The following CCDC50 variants were observed in gnomAD, a reference collection of about 807,000 sequenced individuals.
The protein encoded by CCDC50 is coiled-coil domain containing 50.
Under a neutral mutation model 70.2 loss-of-function variants are expected in CCDC50, and 54 were observed. That is an observed-to-expected ratio of 0.77 (90% CI 0.62 to 0.96). The LOEUF (loss-of-function observed/expected upper bound fraction) is 0.96, where lower values mean the gene tolerates loss of function less well. Ranked by LOEUF, CCDC50 falls within the 50% of genes least tolerant of loss-of-function variation. CCDC50 has a pLI of 0.00. For synonymous variants in CCDC50, 216 were observed against 198.8 expected (o/e 1.09, Z -0.73); for missense variants, 558 against 578.7 (o/e 0.96, Z 0.37).
intron 6 of CCDC50, among the ~76,000 whole-genome samples, chr3:191,378,859 A>G (rs1335870281): frequency 6.6e-6 from 1 of 151,964 alleles, no homozygotes; most frequent in Non-Finnish European, 1.5e-5. Context: ...ATCAGGTTCT[A>G]TTAGGTCTGA....
chr3:191,381,534 G>A (rs1478220518), intron 9 of CCDC50, among the ~76,000 whole-genome samples: 1 of 152,140 alleles, frequency 6.6e-6, no homozygotes, highest in African/African-American at 2.4e-5. Context: ...GTAATTGTGA[G>A]TTCCAGCTTA....
At chr3:191,346,860 GATA>G (rs1711944870) in intron 1 of CCDC50, among the ~76,000 whole-genome samples, 1 of 152,172 alleles carries the variant, frequency 6.6e-6, no homozygotes, top group Admixed American at 6.6e-5. Flanking sequence ...AACCCTTTTT[GATA>G]GTGTATCTAT....
At chr3:191,389,703 A>G in intron 11 of CCDC50, 101 bp downstream of exon 11, 1 of 890,524 alleles carries the variant, frequency 1.1e-6, no homozygotes. Flanking sequence ...AGAGTGGAAA[A>G]ATAAGTTATT....
At chr3:191,344,367 A>T (rs1216667541) in intron 1 of CCDC50, among the ~76,000 whole-genome samples, 1 of 152,226 alleles carries the variant, frequency 6.6e-6, no homozygotes, top group Non-Finnish European at 1.5e-5. Flanking sequence ...CCAGCCCCAT[A>T]TGGCTATTTA....
chr3:191,395,228 A>G lies in CCDC50; in HGVS notation c.*3468A>G, dbSNP rs539025149. The G allele has an allele frequency of 1.3e-5, 2 of 152,172 alleles. No homozygotes were observed. The highest frequency in any genetic ancestry group is 2.4e-5 in the African/African-American group (1 of 41,456). 9.4% of individuals were successfully genotyped at this position (152,172 alleles called of 1,614,324 possible). A position where few individuals can be genotyped will look rare whatever the true frequency, so the allele number is the denominator to read the frequency against. On this transcript the variant is annotated 3_prime_UTR_variant, in exon 12 of 12. Transcript: ENST00000392455. Reference sequence around the variant, plus strand: ...CTAATGTGTCCTGAAGCTGAGCTAGATGATGAGTAAATTCTTTGCTGACTG... The same window carrying G: ...CTAATGTGTCCTGAAGCTGAGCTAGGTGATGAGTAAATTCTTTGCTGACTG...
chr3:191,355,544 G>A (rs558525209), intron 1 of CCDC50, among the ~76,000 whole-genome samples: 1 of 152,288 alleles, frequency 6.6e-6, no homozygotes, highest in Non-Finnish European at 1.5e-5. Context: ...TGACCCCCAA[G>A]CCCTGTCACC....
chr3:191,338,232 T>G (rs75023313), intron 1 of CCDC50, among the ~76,000 whole-genome samples: 5,196 of 152,348 alleles, frequency 0.034, 154 homozygotes, highest in Admixed American at 0.092. Context: ...AGTATTATAT[T>G]CACTAATTTT....
intron 4 of CCDC50, among the ~76,000 whole-genome samples, chr3:191,366,476 G>C (rs948529804): frequency 2.0e-5 from 3 of 151,928 alleles, no homozygotes; most frequent in African/African-American, 7.3e-5. Context: ...TGTGGAACAG[G>C]TTTGTTTTTA....
At chr3:191,388,628 A>G (rs1713579970) in intron 10 of CCDC50, among the ~76,000 whole-genome samples, 1 of 152,190 alleles carries the variant, frequency 6.6e-6, no homozygotes, top group Non-Finnish European at 1.5e-5. Context: ...ACTTGCTTTT[A>G]TTTTTACATG....
intron 3 of CCDC50, among the ~76,000 whole-genome samples, chr3:191,359,156 GTAAATTTCAGGCC>G (rs1712397950): frequency 6.6e-6 from 1 of 152,176 alleles, no homozygotes; most frequent in African/African-American, 2.4e-5. Context: ...GAATTGAAAT[GTAAATTTCAGGCC>G]TATTTAGAGA....
At chr3:191,356,977 C>T (rs1712306411) in intron 1 of CCDC50, 111 bp from the exon 2 acceptor site, 1 of 746,322 alleles carries the variant, frequency 1.3e-6, no homozygotes, top group African/African-American at 1.8e-5. Context: ...GTGTGTCATT[C>T]TGAAATATTA....
rs1218415336 is a variant in CCDC50, at chr3:191,395,859, G to A, written c.*4099G>A. On this transcript the variant is annotated 3_prime_UTR_variant, in exon 12 of 12. Transcript: ENST00000392455. ...TTCTCATTTCTGGTGGTGCCTGTGA[G>A]TCTTAAAGCCATATCTGCTTATCTT... 2.0e-5 allele frequency: 3 copies of A among 152,136 alleles called. No homozygotes were observed. Among genetic ancestry groups the A allele is most frequent in the African/African-American group, 4.8e-5 (2 of 41,438 alleles). 9.4% of individuals were successfully genotyped at this position (152,136 alleles called of 1,614,324 possible).
At chr3:191,390,276 CA>C (rs1449172724) in intron 11 of CCDC50, among the ~76,000 whole-genome samples, 1 of 152,006 alleles carries the variant, frequency 6.6e-6, no homozygotes, top group Non-Finnish European at 1.5e-5. Flanking sequence ...TATGCATGCA[CA>C]CCTCCCACAT....
At chr3:191,381,915 T>C (rs1417870782) in intron 9 of CCDC50, among the ~76,000 whole-genome samples, 2 of 152,152 alleles carry the variant, frequency 1.3e-5, no homozygotes, top group Non-Finnish European at 2.9e-5. Flanking sequence ...AGTATTGCTG[T>C]ACTCTTTCCT....
In CCDC50 at chr3:191,329,801, A is replaced by G. The variant is rs1048420970; in HGVS notation, c.49+78A>G. The G allele has an allele frequency of 7.6e-5, 113 of 1,489,354 alleles. 1 individual carries two copies. Among genetic ancestry groups the G allele is most frequent in the Non-Finnish European group, 9.7e-5 (106 of 1,092,008 alleles). The allele number at this position is 1,489,354 out of a possible 1,614,324, so 92.3% of individuals were successfully genotyped here. A position where few individuals can be genotyped will look rare whatever the true frequency, so the allele number is the denominator to read the frequency against. On this transcript the variant is annotated intron_variant, in intron 1 of 11. Coordinates refer to ENST00000392455, the MANE Select transcript of CCDC50 (RefSeq NM_178335.3). ...GTTCTCTCAGGTCAGGGGCGTTGCC[A>G]TTTCGGCTCCCGCGGCCCTCGCCCG...
chr3:191,334,679 C>A (rs942845761), intron 1 of CCDC50, among the ~76,000 whole-genome samples: 1 of 152,196 alleles, frequency 6.6e-6, no homozygotes, highest in African/African-American at 2.4e-5. Context: ...TTTTACCTAC[C>A]TTCTCTTTTC....
At chr3:191,364,845 C>T (rs548837990) in intron 4 of CCDC50, among the ~76,000 whole-genome samples, 167 of 152,060 alleles carry the variant, frequency 1.1e-3, no homozygotes, top group African/African-American at 4.0e-3. Context: ...CTCTTCTTCA[C>T]TTTCTTGCTC....
chr3:191,373,385 A>T (rs537901378), intron 5 of CCDC50, among the ~76,000 whole-genome samples: 1 of 152,310 alleles, frequency 6.6e-6, no homozygotes, highest in Admixed American at 6.5e-5. Flanking sequence ...CTAAAAGTAA[A>T]ACTATGAATA....
At position 191,372,892 on chromosome 3, in the gene CCDC50, A is replaced by G. The variant is rs2108661108; in HGVS notation, c.449-2170A>G. On this transcript the variant is annotated intron_variant, in intron 5 of 11. Coordinates refer to ENST00000392455, the MANE Select transcript of CCDC50 (RefSeq NM_178335.3). The stretch of plus-strand genomic sequence containing the variant: ...TAATTTTAATGAAGTTACGTACTAA[A>G]TAAAATGGAGATTATAAAAGTAAAT... 1.3e-5 allele frequency among the ~76,000 whole-genome samples: 2 copies of G among 152,248 alleles called. 1 individual carries two copies. The highest frequency in any genetic ancestry group is 4.8e-5 in the African/African-American group (2 of 41,554).
Sources: allele counts gnomAD v4.1 joint callset (sites outside exome capture counted in the v4.1 genomes callset), GRCh38; gene constraint gnomAD v4.1.1; transcripts MANE v1.5; gene names NCBI Gene and HGNC (gene_info 2026-07-23, HGNC 2026-07-21).